The following CSMD2 variants were observed in gnomAD, a reference collection of about 807,000 sequenced individuals.
The protein encoded by CSMD2 is CUB and Sushi multiple domains 2.
CSMD2 carries 130 observed loss-of-function variants against 398.5 expected under a neutral mutation model. The observed-to-expected ratio is 0.33, with a 90% CI of 0.28 to 0.38. The LOEUF (loss-of-function observed/expected upper bound fraction) is 0.38, where lower values mean the gene tolerates loss of function less well. Among genes scored for constraint, CSMD2 ranks in the 10% least tolerant of loss-of-function variants. The pLI is 1.00. For missense variants in CSMD2, 3,829 were observed against 4,764.9 expected (o/e 0.80, Z 5.78); for synonymous variants, 1,828 against 1,908.5 (o/e 0.96, Z 1.10).
At chr1:34,017,527 T>C (rs1648294312) in intron 3 of CSMD2, among the ~76,000 whole-genome samples, 2 of 152,192 alleles carry the variant, frequency 1.3e-5, no homozygotes, top group African/African-American at 2.4e-5. Context: ...GAGGCTGAGA[T>C]GGAAGGATCA....
chr1:33,716,015 C>T (rs1402198952), intron 20 of CSMD2, among the ~76,000 whole-genome samples: 1 of 151,968 alleles, frequency 6.6e-6, no homozygotes, highest in Non-Finnish European at 1.5e-5. Flanking sequence ...TCTAGTTCAT[C>T]CAGCTAGGTG....
intron 22 of CSMD2, among the ~76,000 whole-genome samples, chr1:33,707,692 C>CGT (rs1557764668): frequency 2.7e-5 from 1 of 37,576 alleles, no homozygotes; most frequent in African/African-American, 1.4e-4. Context: ...CACGCGCGCG[C>CGT]GCGCACACAC....
rs1201808791 is a variant in CSMD2 at position 33,680,172 on chromosome 1, T to A, written c.4052+12758A>T. Among the ~76,000 whole-genome samples the A allele has an allele frequency of 3.4e-3, 372 of 110,048 alleles. 1 individual carries two copies. Among genetic ancestry groups the A allele is most frequent in the Admixed American group, 5.2e-3 (56 of 10,810 alleles). The allele number at this position is 110,048 out of a possible 152,430, so 72.2% of individuals were successfully genotyped here. On this transcript the variant is annotated intron_variant, in intron 25 of 70. Coordinates refer to ENST00000373381, the MANE Select transcript of CSMD2 (RefSeq NM_001281956.2). ...CCTTTTTTTTTTTTTTTTTTTTTTT[T>A]AACAGAAAAGCAATATTGTGATCCC...
intron 15 of CSMD2, among the ~76,000 whole-genome samples, chr1:33,737,905 A>G (rs780055029): frequency 2.6e-5 from 4 of 152,180 alleles, no homozygotes; most frequent in Non-Finnish European, 4.4e-5. Flanking sequence ...TACACATCTG[A>G]TAATTATCAT....
At chr1:33,868,860 A>G (rs1446165692) in intron 5 of CSMD2, 1 of 152,208 alleles carries the variant, frequency 6.6e-6, no homozygotes, top group East Asian at 1.9e-4. Flanking sequence ...GATAGAGGGC[A>G]CTTGAAATGG....
At chr1:34,143,756 G>A (rs1232701063) in intron 1 of CSMD2, among the ~76,000 whole-genome samples, 1 of 152,172 alleles carries the variant, frequency 6.6e-6, no homozygotes, top group East Asian at 1.9e-4. Flanking sequence ...ACTAGTAACT[G>A]TCTCTGTCAT....
At chr1:33,742,611 G>C (rs916977367) in intron 14 of CSMD2, among the ~76,000 whole-genome samples, 1 of 115,254 alleles carries the variant, frequency 8.7e-6, no homozygotes, top group African/African-American at 3.7e-5. Flanking sequence ...GTAACCACGA[G>C]ATACAGAAAT....
chr1:33,983,797 A>C (rs1397878663), intron 3 of CSMD2, among the ~76,000 whole-genome samples: 1 of 152,172 alleles, frequency 6.6e-6, no homozygotes, highest in African/African-American at 2.4e-5. Flanking sequence ...CTGTTAGCCG[A>C]GAGTGAACAT....
intron 1 of CSMD2, among the ~76,000 whole-genome samples, chr1:34,149,987 C>T (rs1640135752): frequency 6.6e-6 from 1 of 152,024 alleles, no homozygotes; most frequent in Admixed American, 6.6e-5. Context: ...GCAGGAAGAA[C>T]TCATTAAAGA....
chr1:33,742,640 G>C (rs1303894707), intron 14 of CSMD2, among the ~76,000 whole-genome samples: 1 of 135,078 alleles, frequency 7.4e-6, no homozygotes, highest in Non-Finnish European at 1.5e-5. Context: ...TCACTGCTGA[G>C]TTTAGGCTGC....
chr1:33,754,991 A>G (rs1342419147), intron 13 of CSMD2, among the ~76,000 whole-genome samples: 1 of 152,128 alleles, frequency 6.6e-6, no homozygotes, highest in African/African-American at 2.4e-5. Flanking sequence ...GAAATGGAGA[A>G]GAGAATGACT....
intron 56 of CSMD2, among the ~76,000 whole-genome samples, chr1:33,549,249 T>A (rs1657194613): frequency 6.6e-6 from 1 of 152,158 alleles, no homozygotes; most frequent in Non-Finnish European, 1.5e-5. Flanking sequence ...GAGGTCATGA[T>A]CCTTTCCTCT....
intron 3 of CSMD2, among the ~76,000 whole-genome samples, chr1:33,947,311 C>G (rs1253558313): frequency 1.3e-5 from 2 of 152,166 alleles, no homozygotes; most frequent in African/African-American, 2.4e-5. Context: ...TGCCCCTGCC[C>G]AAGGCTGAGT....
At chr1:33,776,861 A>C (rs886345624) in intron 12 of CSMD2, among the ~76,000 whole-genome samples, 1 of 152,082 alleles carries the variant, frequency 6.6e-6, no homozygotes, top group African/African-American at 2.4e-5. Context: ...GGCAGGAGTA[A>C]AGGGAGTGTC....
intron 1 of CSMD2, among the ~76,000 whole-genome samples, chr1:34,093,629 G>T (rs1351088118): frequency 6.9e-6 from 1 of 145,758 alleles, no homozygotes; most frequent in African/African-American, 2.6e-5. Context: ...CTCAGGAGCC[G>T]ATGCGATCAA....
chr1:33,556,455 G>T (rs898495905), intron 55 of CSMD2, among the ~76,000 whole-genome samples: 2 of 152,172 alleles, frequency 1.3e-5, no homozygotes, highest in African/African-American at 4.8e-5. Context: ...AAGGTAGGTG[G>T]ACTGCTGCAT....
chr1:33,716,636 A>G (rs1195854659), intron 19 of CSMD2, 135 bp from the exon 20 acceptor site: 30 of 646,926 alleles, frequency 4.6e-5, no homozygotes, highest in Non-Finnish European at 5.2e-5. Context: ...TGCATTGACA[A>G]ATCATACAGG....
chr1:34,026,955 C>T (rs1266493629), intron 3 of CSMD2, among the ~76,000 whole-genome samples: 2 of 152,098 alleles, frequency 1.3e-5, no homozygotes, highest in Non-Finnish European at 2.9e-5. Context: ...TAAAAATAAA[C>T]AGTAAAATAA....
rs376993543 is a variant in CSMD2, at chr1:33,624,670, G to C, written c.5501-27C>G. On this transcript the variant is annotated intron_variant, in intron 34 of 70. Transcript: ENST00000373381. The surrounding 1 kb of genome is among the most constrained non-coding windows in gnomAD (Gnocchi z 4.7). ...TGGGAGGAGAGGCCATCGGGTCAGA[G>C]GCTTTGTGGCCTCCCGTGGGAGCCT... The C allele has an allele frequency of 5.0e-6, 8 of 1,597,998 alleles. No homozygotes were observed. Among genetic ancestry groups the C allele is most frequent in the Non-Finnish European group, 6.9e-6 (8 of 1,167,860 alleles).
Sources: gnomAD v4.1 joint callset for allele counts (sites outside exome capture counted in the v4.1 genomes callset) on GRCh38, gnomAD v4.1.1 for gene constraint, Gnocchi (gnomAD v3.1) non-coding constraint, MANE v1.5 for transcripts, NCBI Gene and HGNC (gene_info 2026-07-23, HGNC 2026-07-21) for gene names.